The following PCDHA1 variants were observed in gnomAD, a reference collection of about 807,000 sequenced individuals.
The protein encoded by PCDHA1 is protocadherin alpha 1.
Under a neutral mutation model 61.3 loss-of-function variants are expected in PCDHA1, and 42 were observed. The ratio of observed to expected loss-of-function variants is 0.69; its 90% CI spans 0.54 to 0.89. PCDHA1 has a LOEUF of 0.89. PCDHA1 is among the 40% of genes least tolerant of loss of function. The pLI, the probability that PCDHA1 is intolerant of heterozygous loss-of-function variation, is 0.00. For synonymous variants in PCDHA1, 610 were observed against 553.8 expected (o/e 1.10, Z -1.43); for missense variants, 1,256 against 1,235.3 (o/e 1.02, Z -0.25).
intron 1 of PCDHA1, among the ~76,000 whole-genome samples, chr5:140,827,408 A>G (rs1361434202): frequency 1.3e-5 from 2 of 152,254 alleles, no homozygotes; most frequent in Non-Finnish European, 2.9e-5. Context: ...GTGATAAAGA[A>G]TATGCTCTAG....
In PCDHA1 at chr5:140,829,829, C is replaced by G. The variant is rs2150175564; in HGVS notation, c.2394+41145C>G. The G allele has an allele frequency of 1.2e-5, 19 of 1,613,904 alleles. No individual in the cohort carries two copies. In the East Asian group the frequency reaches 3.6e-4, roughly 30 times the overall value. ...TGGTACTGGTGGTGCAGTGAGCGAG[C>G]TGGTGCCGCGGTCACTGGGTGCAGG... On this transcript the variant is annotated intron_variant, in intron 1 of 3. Transcript: ENST00000504120.
At chr5:140,883,774 T>C (rs782252577) in intron 1 of PCDHA1, 10 of 1,612,152 alleles carry the variant, frequency 6.2e-6, no homozygotes, top group South Asian at 5.5e-5. Flanking sequence ...TGGGCGAGCG[T>C]GCGCTGTCGA....
intron 1 of PCDHA1, chr5:140,828,179 C>T (rs1377583653): frequency 4.3e-6 from 7 of 1,614,050 alleles, no homozygotes; most frequent in Non-Finnish European, 5.1e-6. Flanking sequence ...GGGGAGCGGC[C>T]AGCTCCACTA....
intron 1 of PCDHA1, chr5:140,836,466 G>T: frequency 6.2e-7 from 1 of 1,613,862 alleles, no homozygotes; most frequent in Non-Finnish European, 8.5e-7. Flanking sequence ...CGAGCTGGTG[G>T]ATGTCAACGT....
chr5:140,798,270 G>T (rs1452839328), intron 1 of PCDHA1, among the ~76,000 whole-genome samples: 2 of 152,090 alleles, frequency 1.3e-5, no homozygotes, highest in African/African-American at 4.8e-5. Flanking sequence ...ACAGCACTTA[G>T]GAATAACTGC....
chr5:140,787,758 G>A lies in PCDHA1; in HGVS notation c.1468G>A (p.Val490Met). The A allele has an allele frequency of 1.2e-6, 2 of 1,613,308 alleles. No individual in the cohort carries two copies. The highest frequency in any genetic ancestry group is 8.5e-7 in the Non-Finnish European group (1 of 1,179,840). The change falls in exon 1 of 4, where the codon GTG becomes ATG. Residue 490 changes from valine to methionine, a missense_variant. Coordinates refer to ENST00000504120, the MANE Select transcript of PCDHA1 (RefSeq NM_018900.4). ...CGCGGACGCGCAGGAGAACGCGCTG[G>A]TGTCCTATTCGCTGGTGGAACGGCG... Reference protein sequence around the residue: ...RDADAQENALVSYSLVERRVG... With the variant: ...RDADAQENALMSYSLVERRVG...
In PCDHA1 at chr5:140,992,699, T is replaced by A. The variant is rs149489820; in HGVS notation, c.2542+10136T>A. Among the ~76,000 whole-genome samples the A allele has an allele frequency of 7.6e-3, 1,153 of 152,282 alleles. 6 individuals carry two copies. The highest frequency in any genetic ancestry group is 0.014 in the Middle Eastern group (4 of 294). On this transcript the variant is annotated intron_variant, in intron 3 of 3. Transcript: ENST00000504120. ...GTGTTAGGGGTTGAGGGGTGGGTAA[T>A]GTTCCTGCCAGTATTCGTAAATCCC...
chr5:140,787,729 G>T lies in PCDHA1; in HGVS notation c.1439G>T (p.Arg480Leu), dbSNP rs782799209. 4 of 1,613,686 alleles carry T rather than the reference G, an allele frequency of 2.5e-6. No individual in the cohort carries two copies. In the Admixed American group the frequency reaches 5.0e-5, roughly 20 times the overall value. Residue 480 changes from arginine (R) to leucine (L), a missense_variant, in exon 1 of 4, where the codon CGG (arginine) becomes CTG (leucine). Coordinates refer to ENST00000504120, the MANE Select transcript of PCDHA1 (RefSeq NM_018900.4). ...PGCHIFTVSA[R>L]DADAQENALV... Reference sequence around the variant, plus strand: ...TGCCACATCTTCACGGTGTCTGCGCGGGACGCGGACGCGCAGGAGAACGCG... The same window carrying T: ...TGCCACATCTTCACGGTGTCTGCGCTGGACGCGGACGCGCAGGAGAACGCG...
chr5:140,924,165 C>G (rs782754845), intron 1 of PCDHA1, among the ~76,000 whole-genome samples: 5 of 152,230 alleles, frequency 3.3e-5, no homozygotes, highest in Admixed American at 1.3e-4. Context: ...ATCCTAATCT[C>G]TGGCACTGAA....
At chr5:140,831,334 C>G (rs188335072) in intron 1 of PCDHA1, 4 of 150,940 alleles carry the variant, frequency 2.7e-5, no homozygotes, top group African/African-American at 9.8e-5. Context: ...TGTTTCTACA[C>G]AGTAATTTAA....
chr5:140,809,044 C>T (rs782371963), intron 1 of PCDHA1: 1 of 1,613,900 alleles, frequency 6.2e-7, no homozygotes, highest in South Asian at 1.1e-5. Flanking sequence ...GTGGCGCGCG[C>T]ATCCCGTTCC....
rs567902726 is a variant in PCDHA1 at position 140,936,017 on chromosome 5, C to T, written c.2395-42932C>T. Among the ~76,000 whole-genome samples, 12 of 151,854 alleles carry T rather than the reference C, an allele frequency of 7.9e-5. No individual in the cohort carries two copies. The South Asian group carries it at 1.7e-3, about 21-fold the overall frequency. ...AAGCGATTCTCCCACCTCAGCCTCCCGAGTAGCGGGGATTACAGGCACCCA... is the reference window on the plus strand; with the variant it reads ...AAGCGATTCTCCCACCTCAGCCTCCTGAGTAGCGGGGATTACAGGCACCCA... On this transcript the variant is annotated intron_variant, in intron 1 of 3. Coordinates refer to ENST00000504120, the MANE Select transcript of PCDHA1 (RefSeq NM_018900.4).
At chr5:140,962,384 A>G (rs1234630298) in intron 1 of PCDHA1, among the ~76,000 whole-genome samples, 7 of 152,202 alleles carry the variant, frequency 4.6e-5, no homozygotes, top group Non-Finnish European at 8.8e-5. Context: ...ATCTGTTAAT[A>G]TTACGCAATC....
chr5:140,937,413 TTAGA>T (rs781915768), intron 1 of PCDHA1, among the ~76,000 whole-genome samples: 3 of 152,228 alleles, frequency 2.0e-5, no homozygotes, highest in Non-Finnish European at 2.9e-5. Flanking sequence ...ACAACTTTTA[TTAGA>T]TAGCTGATAT....
intron 1 of PCDHA1, among the ~76,000 whole-genome samples, chr5:140,914,169 G>A (rs997751296): frequency 1.1e-4 from 17 of 152,140 alleles, no homozygotes; most frequent in Admixed American, 6.5e-5. Context: ...GGAAAGTGGG[G>A]TGTTGAATTC....
intron 1 of PCDHA1, among the ~76,000 whole-genome samples, chr5:140,917,405 T>C (rs2153543748): frequency 6.6e-6 from 1 of 152,162 alleles, no homozygotes; most frequent in South Asian, 2.1e-4. Flanking sequence ...AGCTCTTTAG[T>C]TTAATTAGGC....
intron 1 of PCDHA1, chr5:140,969,583 AG>A: frequency 1.1e-6 from 1 of 914,068 alleles, no homozygotes; most frequent in South Asian, 1.9e-5. Context: ...AGTGAGGATT[AG>A]TCTTAATATT....
chr5:140,885,229 C>A (rs1410460890), intron 1 of PCDHA1, among the ~76,000 whole-genome samples: 2 of 151,932 alleles, frequency 1.3e-5, no homozygotes, highest in African/African-American at 4.8e-5. Context: ...TGTGATTCTG[C>A]TTTCAATTTT....
intron 1 of PCDHA1, among the ~76,000 whole-genome samples, chr5:140,932,720 G>A (rs868927369): frequency 6.6e-5 from 10 of 151,848 alleles, no homozygotes; most frequent in Non-Finnish European, 1.5e-5. Flanking sequence ...CAATAATATT[G>A]TATAATATAG....
Sources: allele counts gnomAD v4.1 joint callset (sites outside exome capture counted in the v4.1 genomes callset), GRCh38; gene constraint gnomAD v4.1.1; transcripts MANE v1.5; gene names NCBI Gene and HGNC (gene_info 2026-07-23, HGNC 2026-07-21).